Variants in CRPPA observed in about 807,000 individuals in gnomAD.
The protein encoded by CRPPA is CDP-L-ribitol pyrophosphorylase A.
A neutral mutation model predicts 52.0 loss-of-function variants in CRPPA; 43 were observed. The observed-to-expected ratio is 0.83, with a 90% CI of 0.65 to 1.07. CRPPA has a LOEUF of 1.07. Ranked by LOEUF, CRPPA falls within the 50% of genes least tolerant of loss-of-function variation. The pLI, the probability that CRPPA is intolerant of heterozygous loss-of-function variation, is 0.00. For synonymous variants in CRPPA, 250 were observed against 203.5 expected (o/e 1.23, Z -1.94); for missense variants, 629 against 551.7 (o/e 1.14, Z -1.40).
chr7:16,161,739 G>A (rs1300294855), intron 9 of CRPPA, among the ~76,000 whole-genome samples: 1 of 152,056 alleles, frequency 6.6e-6, no homozygotes, highest in East Asian at 1.9e-4. Context: ...TCTATTGTTT[G>A]GAATGGTTTC....
At chr7:16,398,290 A>G (rs1420819322) in intron 2 of CRPPA, among the ~76,000 whole-genome samples, 3 of 151,990 alleles carry the variant, frequency 2.0e-5, no homozygotes, top group East Asian at 3.9e-4. Context: ...CAAGACAAAC[A>G]CGTGACTGAC....
intron 8 of CRPPA, among the ~76,000 whole-genome samples, chr7:16,253,857 C>G (rs1234863326): frequency 1.3e-5 from 2 of 152,020 alleles, no homozygotes; most frequent in Admixed American, 1.3e-4. Flanking sequence ...GAGCTAATAT[C>G]CGGACTCTAC....
intron 6 of CRPPA, among the ~76,000 whole-genome samples, chr7:16,260,872 T>C (rs1314812643): frequency 6.6e-6 from 1 of 152,112 alleles, no homozygotes; most frequent in South Asian, 2.1e-4. Flanking sequence ...TTCATGTTTT[T>C]ACCACTAGCA....
chr7:16,130,730 T>C (rs1782665169), intron 9 of CRPPA, among the ~76,000 whole-genome samples: 1 of 152,202 alleles, frequency 6.6e-6, no homozygotes. Flanking sequence ...ACTTGGAAAG[T>C]ATTCCTAGAA....
chr7:16,266,638 C>A (rs565920874), intron 6 of CRPPA, among the ~76,000 whole-genome samples: 1 of 152,140 alleles, frequency 6.6e-6, no homozygotes, highest in South Asian at 2.1e-4. Flanking sequence ...ACCACCACGC[C>A]TGACTAATTT....
intron 8 of CRPPA, 115 bp from the exon 9 acceptor site, chr7:16,216,312 T>C: frequency 3.3e-6 from 2 of 614,932 alleles, no homozygotes; most frequent in Non-Finnish European, 5.4e-6. Context: ...ATAATCTTTA[T>C]TAACTTTTGT....
At chr7:16,254,641 G>A (rs909174475) in intron 8 of CRPPA, among the ~76,000 whole-genome samples, 1 of 151,904 alleles carries the variant, frequency 6.6e-6, no homozygotes, top group East Asian at 1.9e-4. Context: ...TAATGTAAAC[G>A]ACGAGTTACT....
At position 16,349,049 on chromosome 7, in the gene CRPPA, A is replaced by G. The variant is rs151319739; in HGVS notation, c.684+27043T>C. Reference sequence around the variant, plus strand: ...CTTGAATGTGAGTACAATATTTGTAACATATCCTCTCCCTAATTTGATGCA... The same window carrying G: ...CTTGAATGTGAGTACAATATTTGTAGCATATCCTCTCCCTAATTTGATGCA... On this transcript the variant is annotated intron_variant, in intron 3 of 9. Coordinates refer to ENST00000407010, the MANE Select transcript of CRPPA (RefSeq NM_001101426.4). Among the ~76,000 whole-genome samples, 40 of 152,340 alleles carry G rather than the reference A, an allele frequency of 2.6e-4. 1 individual carries two copies. Among genetic ancestry groups the G allele is most frequent in the African/African-American group, 9.6e-4 (40 of 41,580 alleles).
At chr7:16,116,298 G>C (rs1782369033) in intron 9 of CRPPA, among the ~76,000 whole-genome samples, 1 of 152,122 alleles carries the variant, frequency 6.6e-6, no homozygotes, top group African/African-American at 2.4e-5. Context: ...GAAAACAGCA[G>C]AGAAATCTAA....
intron 2 of CRPPA, among the ~76,000 whole-genome samples, chr7:16,378,001 C>G (rs1786944530): frequency 6.6e-6 from 1 of 152,082 alleles, no homozygotes; most frequent in Admixed American, 6.6e-5. Flanking sequence ...CTACTGCCCT[C>G]ATGTAGATCA....
intron 2 of CRPPA, among the ~76,000 whole-genome samples, chr7:16,378,231 G>C (rs923023195): frequency 2.0e-5 from 3 of 150,402 alleles, no homozygotes; most frequent in African/African-American, 7.3e-5. Context: ...TTTAGCATTA[G>C]GTATATCTCC....
At chr7:16,282,139 ACT>A (rs1048225956) in intron 5 of CRPPA, among the ~76,000 whole-genome samples, 27 of 151,600 alleles carry the variant, frequency 1.8e-4, no homozygotes, top group African/African-American at 6.5e-4. Context: ...TAAGTTGCTG[ACT>A]CTCTTCCTTT....
chr7:16,301,910 G>C (rs1165181635), intron 4 of CRPPA, among the ~76,000 whole-genome samples: 2 of 152,092 alleles, frequency 1.3e-5, no homozygotes, highest in Non-Finnish European at 2.9e-5. Flanking sequence ...ACTTCCTTCT[G>C]AATTACATAT....
chr7:16,235,576 T>C (rs1583453731), intron 8 of CRPPA, among the ~76,000 whole-genome samples: 1 of 152,084 alleles, frequency 6.6e-6, no homozygotes, highest in Non-Finnish European at 1.5e-5. Context: ...ACAGCAGAGT[T>C]GATAGTTGTG....
chr7:16,129,170 T>G (rs981060034), intron 9 of CRPPA, among the ~76,000 whole-genome samples: 1 of 152,120 alleles, frequency 6.6e-6, no homozygotes. Context: ...TCTAACCTAA[T>G]TAGCTCATTT....
At position 16,129,681 on chromosome 7, in the gene CRPPA, A is replaced by T. The variant is rs141606138; in HGVS notation, c.1252-37882T>A. On this transcript the variant is annotated intron_variant, in intron 9 of 9. Transcript: ENST00000407010. ...TTTATTGTCAAGGAGAGGGGAGCTA[A>T]GCAAGATTTGTACAGATTTTGAATA... 3.9e-5 allele frequency among the ~76,000 whole-genome samples: 6 copies of T among 152,286 alleles called. No individual in the cohort carries two copies. The East Asian group carries it at 1.2e-3, about 29-fold the overall frequency.
chr7:16,414,708 C>T lies in CRPPA; in HGVS notation c.257+6358G>A, dbSNP rs1420504252. Among the ~76,000 whole-genome samples, 3 of 152,244 alleles carry T rather than the reference C, an allele frequency of 2.0e-5. No individual in the cohort carries two copies. The East Asian group carries it at 5.8e-4, about 29-fold the overall frequency. On this transcript the variant is annotated intron_variant, in intron 1 of 9. Coordinates refer to ENST00000407010, the MANE Select transcript of CRPPA (RefSeq NM_001101426.4). ...TTAGTAAAAGGCGAAAACTAAGATT[C>T]CCTTTAGTTTATAACCTGGGGTTCA... is the stretch of plus-strand genomic sequence containing the variant.
intron 8 of CRPPA, among the ~76,000 whole-genome samples, chr7:16,217,479 G>A (rs1392595217): frequency 3.0e-5 from 4 of 133,674 alleles, no homozygotes; most frequent in African/African-American, 8.4e-5. Context: ...GGCTTCAGAC[G>A]ATCAAATTAC....
intron 5 of CRPPA, among the ~76,000 whole-genome samples, chr7:16,285,632 C>A (rs181835345): frequency 6.6e-5 from 10 of 152,080 alleles, no homozygotes; most frequent in African/African-American, 2.2e-4. Flanking sequence ...ATATTGAAAA[C>A]CGTAAGCACT....
Sources: gnomAD v4.1 joint callset for allele counts (sites outside exome capture counted in the v4.1 genomes callset) on GRCh38, gnomAD v4.1.1 for gene constraint, MANE v1.5 for transcripts, NCBI Gene and HGNC (gene_info 2026-07-23, HGNC 2026-07-21) for gene names.